The following SLC44A5 variants were observed in gnomAD, a reference collection of about 807,000 sequenced individuals.
The protein encoded by SLC44A5 is choline transporter-like protein 5.
Under a neutral mutation model 101.8 loss-of-function variants are expected in SLC44A5, and 57 were observed. The observed-to-expected ratio is 0.56, with a 90% CI of 0.45 to 0.70. The LOEUF (loss-of-function observed/expected upper bound fraction) is 0.70, where lower values mean the gene tolerates loss of function less well. SLC44A5 is among the 30% of genes least tolerant of loss of function. The probability of loss-of-function intolerance (pLI) is 0.00; values close to 1 mark genes in which losing one functional copy is unlikely to be tolerated. For synonymous variants in SLC44A5, 281 were observed against 290.9 expected (o/e 0.97, Z 0.35); for missense variants, 737 against 853.1 (o/e 0.86, Z 1.70).
At chr1:75,475,764 G>C (rs1240701619) in intron 2 of SLC44A5, among the ~76,000 whole-genome samples, 3 of 152,200 alleles carry the variant, frequency 2.0e-5, no homozygotes, top group Non-Finnish European at 2.9e-5. Flanking sequence ...TTAAGAGTGA[G>C]GGCTAAAGAG....
At chr1:75,374,471 G>T (rs1660435606) in intron 3 of SLC44A5, among the ~76,000 whole-genome samples, 2 of 152,198 alleles carry the variant, frequency 1.3e-5, no homozygotes. Context: ...CCCACTTGAT[G>T]CTAAGGAAAT....
intron 2 of SLC44A5, among the ~76,000 whole-genome samples, chr1:75,407,396 T>G (rs963241693): frequency 6.6e-6 from 1 of 152,176 alleles, no homozygotes; most frequent in Non-Finnish European, 1.5e-5. Flanking sequence ...AGAGCCCATA[T>G]AGCCAAGACA....
intron 5 of SLC44A5, among the ~76,000 whole-genome samples, chr1:75,283,282 C>T (rs1207451341): frequency 2.0e-5 from 3 of 151,914 alleles, no homozygotes; most frequent in Non-Finnish European, 4.4e-5. Flanking sequence ...GTTTGTTGGC[C>T]ATTTGTATAT....
chr1:75,484,812 T>G (rs1409159458), intron 2 of SLC44A5, among the ~76,000 whole-genome samples: 1 of 152,246 alleles, frequency 6.6e-6, no homozygotes. Flanking sequence ...TCTGCACAAC[T>G]GTAAGCCCAA....
chr1:75,419,200 AT>A (rs1459965637), intron 2 of SLC44A5, among the ~76,000 whole-genome samples: 2 of 152,194 alleles, frequency 1.3e-5, no homozygotes, highest in African/African-American at 4.8e-5. Flanking sequence ...ATTTGAAAAA[AT>A]AATGGATAAT....
chr1:75,675,369 A>G, the SLC44A5 span, among the ~76,000 whole-genome samples: 3 of 152,046 alleles, frequency 2.0e-5, no homozygotes, highest in African/African-American at 7.2e-5. Flanking sequence ...TTCTCTTTGT[A>G]GCAATTGTGA....
At chr1:75,228,018 G>A (rs1647261265) in intron 12 of SLC44A5, among the ~76,000 whole-genome samples, 161 bp from the exon 13 acceptor site, 1 of 152,184 alleles carries the variant, frequency 6.6e-6, no homozygotes. Flanking sequence ...GGATCCAATA[G>A]TCTAAACATG....
At chr1:75,624,470 C>T in the SLC44A5 span, among the ~76,000 whole-genome samples, 20 of 152,020 alleles carry the variant, frequency 1.3e-4, no homozygotes, top group South Asian at 2.7e-3. Flanking sequence ...AGTGCTAAGG[C>T]TTTATTACAA....
chr1:75,532,746 CAT>C (rs1670790817), intron 2 of SLC44A5, among the ~76,000 whole-genome samples: 1 of 152,052 alleles, frequency 6.6e-6, no homozygotes, highest in Non-Finnish European at 1.5e-5. Flanking sequence ...GCACTCAAAA[CAT>C]ATTGGTTGGG....
intron 4 of SLC44A5, among the ~76,000 whole-genome samples, chr1:75,326,610 A>T (rs959005065): frequency 6.6e-6 from 1 of 152,178 alleles, no homozygotes; most frequent in African/African-American, 2.4e-5. Context: ...GAAAACCAAG[A>T]GTGTTTAACA....
intron 3 of SLC44A5, among the ~76,000 whole-genome samples, chr1:75,377,200 TTAATCTA>T (rs1660691972): frequency 6.8e-6 from 1 of 146,424 alleles, no homozygotes; most frequent in Non-Finnish European, 1.5e-5. Context: ...TGAGATTCTG[TTAATCTA>T]TAACCTTACC....
intron 3 of SLC44A5, among the ~76,000 whole-genome samples, chr1:75,345,843 A>G (rs967477269): frequency 6.6e-6 from 1 of 152,176 alleles, no homozygotes; most frequent in African/African-American, 2.4e-5. Context: ...ATGTGTTTAT[A>G]TATTTGATGC....
the SLC44A5 span, among the ~76,000 whole-genome samples, chr1:75,721,514 T>C: frequency 6.6e-6 from 1 of 152,228 alleles, no homozygotes; most frequent in Non-Finnish European, 1.5e-5. Flanking sequence ...AGCCAAAAGA[T>C]TGGACACTGC....
At chr1:75,677,487 G>T in the SLC44A5 span, among the ~76,000 whole-genome samples, 1 of 151,814 alleles carries the variant, frequency 6.6e-6, no homozygotes, top group Non-Finnish European at 1.5e-5. Context: ...GATACACAAA[G>T]AATTTTAAAA....
intron 12 of SLC44A5, among the ~76,000 whole-genome samples, chr1:75,231,578 A>G (rs1036301628): frequency 4.6e-5 from 7 of 152,322 alleles, no homozygotes; most frequent in African/African-American, 1.7e-4. Flanking sequence ...ATTCCTGAAT[A>G]ACAATAATAT....
the SLC44A5 span, among the ~76,000 whole-genome samples, chr1:75,664,643 G>A: frequency 1.3e-5 from 2 of 151,998 alleles, no homozygotes; most frequent in Non-Finnish European, 2.9e-5. Flanking sequence ...TACAAAACAC[G>A]ATTAGAAGAA....
At chr1:75,428,604 G>T (rs1255625767) in intron 2 of SLC44A5, among the ~76,000 whole-genome samples, 1 of 152,056 alleles carries the variant, frequency 6.6e-6, no homozygotes. Flanking sequence ...TCACCAAGAG[G>T]GCACTATTTA....
chr1:75,405,628 G>A (rs1014502654), intron 2 of SLC44A5, among the ~76,000 whole-genome samples: 1 of 152,072 alleles, frequency 6.6e-6, no homozygotes, highest in Non-Finnish European at 1.5e-5. Context: ...GCAAAATTAA[G>A]GCAGAAATAA....
chr1:75,469,357 A>G (rs780196009), intron 2 of SLC44A5, among the ~76,000 whole-genome samples: 18 of 152,182 alleles, frequency 1.2e-4, no homozygotes, highest in South Asian at 2.1e-4. Context: ...ATACTTATGA[A>G]AGGTAAATGA....
Sources: allele counts gnomAD v4.1 joint callset (sites outside exome capture counted in the v4.1 genomes callset), GRCh38; gene constraint gnomAD v4.1.1; transcripts MANE v1.5; gene names NCBI Gene and HGNC (gene_info 2026-07-23, HGNC 2026-07-21).